Variants in YPEL2 observed in about 807,000 individuals in gnomAD.
YPEL2 encodes the protein yippee like 2, also known as protein yippee-like 2.
In YPEL2, 2 loss-of-function variants were observed where a neutral mutation model predicts 19.1. The observed-to-expected ratio is 0.10, with a 90% CI of 0.04 to 0.33. The LOEUF (loss-of-function observed/expected upper bound fraction) is 0.33, where lower values mean the gene tolerates loss of function less well. Ranked by LOEUF, YPEL2 falls within the 10% of genes least tolerant of loss-of-function variation. The pLI is 1.00. For synonymous variants in YPEL2, 52 were observed against 50.0 expected, an observed-to-expected ratio of 1.04 and a Z score of -0.17; for missense variants, 66 against 140.7, an observed-to-expected ratio of 0.47 and a Z score of 2.68.
chr17:59,358,926 C>CTTTTT (rs35109375), intron 2 of YPEL2, among the ~76,000 whole-genome samples: 1 of 115,270 alleles, frequency 8.7e-6, no homozygotes, highest in African/African-American at 3.4e-5. Flanking sequence ...TTTCCTTTTT[C>CTTTTT]TTTTTTTTTT....
intron 2 of YPEL2, among the ~76,000 whole-genome samples, chr17:59,387,541 C>G (rs2047986934): frequency 6.6e-6 from 1 of 152,114 alleles, no homozygotes; most frequent in Admixed American, 6.5e-5. Flanking sequence ...GCCGACTTCT[C>G]AGTGTAACCA....
At chr17:59,345,696 G>A (rs1205168507) in intron 1 of YPEL2, among the ~76,000 whole-genome samples, 3 of 152,128 alleles carry the variant, frequency 2.0e-5, no homozygotes, top group Admixed American at 1.3e-4. Context: ...CAACCTGGGG[G>A]ACGGGAACGC....
At chr17:59,340,409 GGAACTT>G (rs1567729723) in intron 1 of YPEL2, among the ~76,000 whole-genome samples, 5 of 150,666 alleles carry the variant, frequency 3.3e-5, no homozygotes, top group African/African-American at 1.2e-4. Context: ...GTGCCCAGCT[GGAACTT>G]TATTTATTTT....
At chr17:59,393,205 G>A (rs1598054691) in intron 4 of YPEL2, among the ~76,000 whole-genome samples, 1 of 152,062 alleles carries the variant, frequency 6.6e-6, no homozygotes, top group Non-Finnish European at 1.5e-5. Context: ...CTGGCTCACA[G>A]CAGCCTCAAC....
rs150592190 is a variant in YPEL2, at chr17:59,370,530, G to A, written c.117+17004G>A. On this transcript the variant is annotated intron_variant, in intron 2 of 4. Coordinates refer to ENST00000312655, the MANE Select transcript of YPEL2 (RefSeq NM_001005404.4). ...ATCTCAGGGTCTACCATTAAGTGCT[G>A]TATCACACAACCTATTTCTTGCTTT... Among the ~76,000 whole-genome samples the A allele has an allele frequency of 1.7e-3, 263 of 152,294 alleles. 1 individual carries two copies. The highest frequency in any genetic ancestry group is 3.3e-3 in the South Asian group (16 of 4,828).
At chr17:59,383,672 ACTTT>A (rs1426765398) in intron 2 of YPEL2, among the ~76,000 whole-genome samples, 1 of 115,292 alleles carries the variant, frequency 8.7e-6, no homozygotes, top group African/African-American at 3.2e-5. Context: ...TGATTATAAG[ACTTT>A]CTTTTGTTAT....
rs79537010 is a variant in YPEL2, at chr17:59,380,275, T to C, written c.118-8052T>C. 9.1e-3 allele frequency among the ~76,000 whole-genome samples: 206 copies of C among 22,584 alleles called. 1 individual carries two copies. The highest frequency in any genetic ancestry group is 0.048 in the African/African-American group (57 of 1,196). The allele number at this position is 22,584 out of a possible 152,430, so 14.8% of individuals were successfully genotyped here. A position where few individuals can be genotyped will look rare whatever the true frequency, so the allele number is the denominator to read the frequency against. ...CTTGATAAACAGTATCTAACTTCTT[T>C]TTTTTTTTTTTTTTTTTTTGAGATG... On this transcript the variant is annotated intron_variant, in intron 2 of 4. Coordinates refer to ENST00000312655, the MANE Select transcript of YPEL2 (RefSeq NM_001005404.4).
chr17:59,332,707 A>C (rs1055089719), intron 1 of YPEL2, among the ~76,000 whole-genome samples: 2 of 152,114 alleles, frequency 1.3e-5, no homozygotes, highest in African/African-American at 4.8e-5. Flanking sequence ...CGAGAGTTTA[A>C]AAAGCCAGGT....
intron 1 of YPEL2, among the ~76,000 whole-genome samples, chr17:59,351,266 A>G (rs551122123): frequency 2.0e-5 from 3 of 152,122 alleles, no homozygotes; most frequent in African/African-American, 4.8e-5. Context: ...TTCTAGGTAC[A>G]TGGGAGGCTA....
intron 1 of YPEL2, among the ~76,000 whole-genome samples, chr17:59,350,471 T>C (rs2047782307): frequency 6.6e-6 from 1 of 152,214 alleles, no homozygotes; most frequent in African/African-American, 2.4e-5. Flanking sequence ...GTAAGGCTTC[T>C]TGTCTAGGCC....
intron 2 of YPEL2, among the ~76,000 whole-genome samples, chr17:59,363,637 C>G (rs142670128): frequency 2.0e-5 from 3 of 152,306 alleles, no homozygotes; most frequent in Non-Finnish European, 4.4e-5. Context: ...TTATTGAGCA[C>G]CTACTGTGTG....
intron 4 of YPEL2, among the ~76,000 whole-genome samples, chr17:59,395,219 G>A (rs1378603056): frequency 1.0e-5 from 1 of 97,904 alleles, no homozygotes; most frequent in Non-Finnish European, 1.8e-5. Context: ...ACGCATGTGT[G>A]CATGTGTGTG....
At chr17:59,384,322 T>A (rs1361634156) in intron 2 of YPEL2, among the ~76,000 whole-genome samples, 1 of 152,248 alleles carries the variant, frequency 6.6e-6, no homozygotes, top group East Asian at 1.9e-4. Context: ...CCACAAAATA[T>A]TGACAAAAAC....
chr17:59,380,514 C>T (rs1392971556), intron 2 of YPEL2, among the ~76,000 whole-genome samples: 1 of 152,164 alleles, frequency 6.6e-6, no homozygotes, highest in Non-Finnish European at 1.5e-5. Context: ...AAGTGATCTG[C>T]CCTCCTTGGC....
intron 1 of YPEL2, among the ~76,000 whole-genome samples, chr17:59,337,526 C>CT: frequency 1.3e-5 from 2 of 152,164 alleles, no homozygotes; most frequent in Middle Eastern, 6.8e-3. Flanking sequence ...CTCTGAAAAG[C>CT]TTTGCCTCTC....
intron 2 of YPEL2, among the ~76,000 whole-genome samples, chr17:59,381,994 A>G (rs1224487298): frequency 6.6e-6 from 1 of 152,168 alleles, no homozygotes; most frequent in Non-Finnish European, 1.5e-5. Context: ...TGGGCCCCAC[A>G]GGATCCAGCA....
At chr17:59,348,343 C>T (rs912092577) in intron 1 of YPEL2, among the ~76,000 whole-genome samples, 4 of 152,244 alleles carry the variant, frequency 2.6e-5, no homozygotes, top group African/African-American at 9.6e-5. Context: ...TCCAGCCTTG[C>T]TTCCACATCA....
chr17:59,335,982 C>G (rs2047696877), intron 1 of YPEL2, among the ~76,000 whole-genome samples: 1 of 152,186 alleles, frequency 6.6e-6, no homozygotes, highest in African/African-American at 2.4e-5. Flanking sequence ...TTATTTTCTT[C>G]AAAGCACTTT....
At chr17:59,344,655 G>A (rs993999652) in intron 1 of YPEL2, among the ~76,000 whole-genome samples, 1 of 152,170 alleles carries the variant, frequency 6.6e-6, no homozygotes, top group Admixed American at 6.6e-5. Flanking sequence ...CTACCCGGGA[G>A]GGTGAGGCAG....
Sources: gnomAD v4.1 joint callset for allele counts (sites outside exome capture counted in the v4.1 genomes callset) on GRCh38, gnomAD v4.1.1 for gene constraint, MANE v1.5 for transcripts, NCBI Gene and HGNC (gene_info 2026-07-23, HGNC 2026-07-21) for gene names.